Variants in CDK8 observed in about 807,000 individuals in gnomAD.
CDK8 encodes the protein cyclin-dependent kinase 8.
A neutral mutation model predicts 71.5 loss-of-function variants in CDK8; 29 were observed. The ratio of observed to expected loss-of-function variants is 0.41; its 90% CI spans 0.30 to 0.55. The LOEUF (loss-of-function observed/expected upper bound fraction) is 0.55, where lower values mean the gene tolerates loss of function less well. Ranked by LOEUF, CDK8 falls within the 20% of genes least tolerant of loss-of-function variation. The probability of loss-of-function intolerance (pLI) is 0.37; values close to 1 mark genes in which losing one functional copy is unlikely to be tolerated. For missense variants in CDK8, 288 were observed against 572.6 expected (o/e 0.50, Z 5.07); for synonymous variants, 161 against 192.1 (o/e 0.84, Z 1.34).
chr13:26,377,370 C>G (rs1875003552), intron 4 of CDK8, among the ~76,000 whole-genome samples: 1 of 152,206 alleles, frequency 6.6e-6, no homozygotes, highest in African/African-American at 2.4e-5. Flanking sequence ...AGGGCAGGAA[C>G]TGTTTGTTTG....
intron 7 of CDK8, 52 bp from the exon 8 acceptor site, chr13:26,396,233 T>C (rs556323137): frequency 5.2e-6 from 4 of 772,046 alleles, no homozygotes; most frequent in Non-Finnish European, 8.2e-6. Context: ...TTTTAAAAAT[T>C]CTCAAGAATA....
intron 1 of CDK8, among the ~76,000 whole-genome samples, chr13:26,261,340 T>C (rs985111589): frequency 1.3e-5 from 2 of 152,190 alleles, no homozygotes; most frequent in African/African-American, 4.8e-5. Flanking sequence ...ATTCACCCTT[T>C]TAAAAGTATG....
intron 1 of CDK8, among the ~76,000 whole-genome samples, chr13:26,310,658 A>T (rs927368792): frequency 6.6e-6 from 1 of 152,106 alleles, no homozygotes; most frequent in African/African-American, 2.4e-5. Flanking sequence ...AGCTATAGGG[A>T]GTGGCTATAA....
Position 26,385,323 on chromosome 13 carries a change from G to A in CDK8, c.627G>A (p.Arg209=). Reference sequence around the variant, plus strand: ...CCCCTGAACTACTTCTTGGAGCAAGGCATTATACCAAAGCTATTGGTGAGT... The same window carrying A: ...CCCCTGAACTACTTCTTGGAGCAAGACATTATACCAAAGCTATTGGTGAGT... ...YRAPELLLGA[R]HYTKAIDIWA... The change falls in exon 6 of 13, where the codon AGG becomes AGA. Residue 209 remains arginine (R), a synonymous_variant. Transcript: ENST00000381527. 9 of 1,609,966 alleles carry A rather than the reference G, an allele frequency of 5.6e-6. No individual in the cohort carries two copies. Among genetic ancestry groups the A allele is most frequent in the Non-Finnish European group, 7.6e-6 (9 of 1,178,812 alleles).
At chr13:26,280,730 G>A (rs1013930083) in intron 1 of CDK8, among the ~76,000 whole-genome samples, 2 of 152,160 alleles carry the variant, frequency 1.3e-5, no homozygotes, top group Non-Finnish European at 1.5e-5. Flanking sequence ...TGTATACACA[G>A]CTTTCTTCCT....
intron 1 of CDK8, among the ~76,000 whole-genome samples, chr13:26,321,908 ATACT>A (rs1874793821): frequency 1.3e-5 from 2 of 152,148 alleles, no homozygotes. Flanking sequence ...CCTATTATAC[ATACT>A]TAGAGACATG....
intron 1 of CDK8, among the ~76,000 whole-genome samples, chr13:26,323,836 A>G (rs1319362896): frequency 6.6e-6 from 1 of 152,096 alleles, no homozygotes; most frequent in Non-Finnish European, 1.5e-5. Context: ...CAGGTTATCT[A>G]TTTCCAGTGT....
intron 1 of CDK8, among the ~76,000 whole-genome samples, chr13:26,306,466 T>G (rs117422483): frequency 6.6e-6 from 1 of 152,124 alleles, no homozygotes; most frequent in Non-Finnish European, 1.5e-5. Context: ...GCTAGTGATA[T>G]TCTACTTTTT....
intron 2 of CDK8, among the ~76,000 whole-genome samples, chr13:26,342,363 C>T (rs1055695268): frequency 1.3e-5 from 2 of 152,216 alleles, no homozygotes; most frequent in African/African-American, 4.8e-5. Context: ...CATACTCTCT[C>T]AGCATCACAG....
At chr13:26,329,469 G>GTTTTT (rs35796023) in intron 1 of CDK8, among the ~76,000 whole-genome samples, 4 of 71,564 alleles carry the variant, frequency 5.6e-5, no homozygotes, top group African/African-American at 8.0e-5. Context: ...GCCTATTTCT[G>GTTTTT]TTTTTTTTTT....
At chr13:26,329,469 G>GTTTTTTTTTTTTTTTTTTTTTTTTTTT (rs35796023) in intron 1 of CDK8, among the ~76,000 whole-genome samples, 8 of 71,562 alleles carry the variant, frequency 1.1e-4, no homozygotes, top group African/African-American at 2.4e-4. Flanking sequence ...GCCTATTTCT[G>GTTTTTTTTTTTTTTTTTTTTTTTTTTT]TTTTTTTTTT....
intron 1 of CDK8, among the ~76,000 whole-genome samples, chr13:26,279,474 T>A (rs908243280): frequency 1.3e-5 from 2 of 151,336 alleles, no homozygotes; most frequent in Non-Finnish European, 2.9e-5. Flanking sequence ...AAAAAAAAAA[T>A]CACCGGTATA....
intron 4 of CDK8, among the ~76,000 whole-genome samples, chr13:26,382,126 G>C (rs1171946196): frequency 2.0e-5 from 3 of 152,068 alleles, no homozygotes; most frequent in Non-Finnish European, 4.4e-5. Flanking sequence ...CCTAAAGAAA[G>C]GGCAGCCTTT....
intron 1 of CDK8, among the ~76,000 whole-genome samples, chr13:26,320,297 G>A (rs990858715): frequency 2.6e-5 from 4 of 151,956 alleles, no homozygotes; most frequent in Non-Finnish European, 4.4e-5. Flanking sequence ...TGTAGTTCCA[G>A]CTACTCAGGA....
chr13:26,295,096 A>G (rs1338271327), intron 1 of CDK8, among the ~76,000 whole-genome samples: 1 of 152,044 alleles, frequency 6.6e-6, no homozygotes, highest in African/African-American at 2.4e-5. Flanking sequence ...GTTTCTTCCA[A>G]GCTATTTTGG....
At chr13:26,287,411 C>T (rs1411891187) in intron 1 of CDK8, among the ~76,000 whole-genome samples, 2 of 152,192 alleles carry the variant, frequency 1.3e-5, no homozygotes, top group Non-Finnish European at 2.9e-5. Context: ...GAAATAATGG[C>T]ATTCGCAGCA....
intron 1 of CDK8, among the ~76,000 whole-genome samples, chr13:26,330,793 T>C (rs1875279360): frequency 6.6e-6 from 1 of 152,214 alleles, no homozygotes; most frequent in Admixed American, 6.5e-5. Flanking sequence ...TGTGGTTGAA[T>C]AGTATTCTAT....
At chr13:26,365,567 CTCA>C (rs1874350209) in intron 4 of CDK8, among the ~76,000 whole-genome samples, 1 of 152,030 alleles carries the variant, frequency 6.6e-6, no homozygotes, top group Non-Finnish European at 1.5e-5. Flanking sequence ...TCTAAATTAT[CTCA>C]TCAAGATTTT....
chr13:26,375,924 C>T (rs897631569), intron 4 of CDK8, among the ~76,000 whole-genome samples: 1 of 151,926 alleles, frequency 6.6e-6, no homozygotes, highest in East Asian at 1.9e-4. Context: ...GGGGGATGGG[C>T]GAGGAGCATA....
Sources: allele counts gnomAD v4.1 joint callset (sites outside exome capture counted in the v4.1 genomes callset), GRCh38; gene constraint gnomAD v4.1.1; transcripts MANE v1.5; gene names NCBI Gene and HGNC (gene_info 2026-07-23, HGNC 2026-07-21).